Variants in GPR141 observed in about 807,000 individuals in gnomAD.
GPR141 encodes probable G protein-coupled receptor 141.
A neutral mutation model predicts 6.8 loss-of-function variants in GPR141; 6 were observed. The observed-to-expected ratio is 0.88, with a 90% CI of 0.48 to 1.74. GPR141 has a LOEUF of 1.74. Ranked by LOEUF, GPR141 falls within the 40% of genes most tolerant of loss-of-function variation. The probability of loss-of-function intolerance (pLI) is 0.01; values close to 1 mark genes in which losing one functional copy is unlikely to be tolerated. For missense variants in GPR141, 372 were observed against 372.9 expected, an observed-to-expected ratio of 1.00 and a Z score of 0.02; for synonymous variants, 140 against 142.3, an observed-to-expected ratio of 0.98 and a Z score of 0.11.
chr7:37,700,338 A>T (rs943338516), intron 2 of GPR141, among the ~76,000 whole-genome samples: 1 of 152,236 alleles, frequency 6.6e-6, no homozygotes, highest in Non-Finnish European at 1.5e-5. Context: ...AGGTCATTGC[A>T]TATTGAGCCT....
At chr7:37,693,318 T>G (rs1233952603) in intron 2 of GPR141, among the ~76,000 whole-genome samples, 1 of 152,210 alleles carries the variant, frequency 6.6e-6, no homozygotes, top group African/African-American at 2.4e-5. Flanking sequence ...ATTGTAGATA[T>G]GCGGCATTAT....
chr7:37,726,492 T>A (rs1811632049), intron 2 of GPR141, among the ~76,000 whole-genome samples: 1 of 152,206 alleles, frequency 6.6e-6, no homozygotes, highest in South Asian at 2.1e-4. Flanking sequence ...TTTTTCATAA[T>A]TTTTAAATTT....
At chr7:37,711,082 C>G (rs556566822) in intron 2 of GPR141, among the ~76,000 whole-genome samples, 5 of 152,302 alleles carry the variant, frequency 3.3e-5, no homozygotes, top group African/African-American at 1.2e-4. Flanking sequence ...CGGGGGTCTA[C>G]TGAAATCATT....
intron 2 of GPR141, among the ~76,000 whole-genome samples, chr7:37,692,938 C>A (rs1308057469): frequency 6.6e-6 from 1 of 152,150 alleles, no homozygotes; most frequent in Non-Finnish European, 1.5e-5. Context: ...TTCTCCCATT[C>A]TGAAGGTTGT....
intron 2 of GPR141, among the ~76,000 whole-genome samples, chr7:37,718,220 A>G (rs1050942808): frequency 1.3e-5 from 2 of 152,156 alleles, no homozygotes; most frequent in African/African-American, 4.8e-5. Flanking sequence ...ATTCACAGAT[A>G]GACATTGTAT....
chr7:37,732,324 TAGGCTAGAGTC>T (rs1364825332), intron 2 of GPR141, among the ~76,000 whole-genome samples: 3 of 149,346 alleles, frequency 2.0e-5, no homozygotes, highest in Non-Finnish European at 4.5e-5. Flanking sequence ...ACCTATTACC[TAGGCTAGAGTC>T]AGAGCCCCCT....
chr7:37,696,365 C>T (rs1810015200), intron 2 of GPR141, among the ~76,000 whole-genome samples: 1 of 152,034 alleles, frequency 6.6e-6, no homozygotes, highest in South Asian at 2.1e-4. Flanking sequence ...AGAGACAAAA[C>T]CCCTTTGAAA....
chr7:37,687,082 C>G (rs1007452988), intron 2 of GPR141, among the ~76,000 whole-genome samples: 2 of 152,068 alleles, frequency 1.3e-5, no homozygotes, highest in African/African-American at 4.8e-5. Flanking sequence ...ACTCTGCTCC[C>G]TGATAAAGAA....
intron 2 of GPR141, among the ~76,000 whole-genome samples, chr7:37,700,789 A>G (rs1056920068): frequency 8.5e-5 from 13 of 152,226 alleles, no homozygotes; most frequent in Non-Finnish European, 1.9e-4. Context: ...AGATATCCCA[A>G]CATTATCACA....
At chr7:37,716,048 A>G (rs1811031756) in intron 2 of GPR141, among the ~76,000 whole-genome samples, 1 of 152,214 alleles carries the variant, frequency 6.6e-6, no homozygotes, top group Non-Finnish European at 1.5e-5. Context: ...GACAGAGTCA[A>G]CTTTTCAGAA....
At chr7:37,698,381 C>A (rs895989921) in intron 2 of GPR141, among the ~76,000 whole-genome samples, 3 of 152,164 alleles carry the variant, frequency 2.0e-5, no homozygotes, top group African/African-American at 7.2e-5. Flanking sequence ...AACAAACTAT[C>A]CTGTCTCACT....
intron 2 of GPR141, among the ~76,000 whole-genome samples, chr7:37,736,031 G>A (rs1446347244): frequency 4.6e-5 from 7 of 152,134 alleles, no homozygotes; most frequent in Non-Finnish European, 1.0e-4. Context: ...GGCTGAGGCG[G>A]GTGGATCACT....
rs1311977140 is a variant in GPR141, at chr7:37,740,981, G to A, written c.588G>A (p.Leu196=). The change falls in exon 3 of 3, where the codon CTG becomes CTA. Residue 196 remains leucine, a synonymous_variant. Transcript: ENST00000334425. The stretch of plus-strand genomic sequence containing the variant: ...TTGTCATAGCCGTTGCTGTGATTCT[G>A]TTGGTCTTCCAGGTCTTCATCATTA... ...VIFVIAVAVI[L]LVFQVFIIML... 4 of 1,613,874 alleles carry A rather than the reference G, an allele frequency of 2.5e-6. No individual in the cohort carries two copies. The African/African-American group carries it at 4.0e-5, about 16-fold the overall frequency.
intron 2 of GPR141, among the ~76,000 whole-genome samples, chr7:37,713,895 A>G (rs1440287477): frequency 1.3e-5 from 2 of 152,230 alleles, no homozygotes; most frequent in South Asian, 4.1e-4. Context: ...GTATTGATTG[A>G]GCAATCCCCA....
At chr7:37,732,146 T>TC (rs1562789648) in intron 2 of GPR141, among the ~76,000 whole-genome samples, 69 of 127,032 alleles carry the variant, frequency 5.4e-4, no homozygotes, top group African/African-American at 1.7e-3. Flanking sequence ...CTCTCTCTCT[T>TC]TTTTTTTTTT....
chr7:37,718,700 G>T (rs770535439), intron 2 of GPR141, among the ~76,000 whole-genome samples: 2 of 152,184 alleles, frequency 1.3e-5, no homozygotes, highest in Non-Finnish European at 2.9e-5. Context: ...GTTGGCAAAG[G>T]AAACAACATT....
At chr7:37,727,344 A>G (rs1385502938) in intron 2 of GPR141, among the ~76,000 whole-genome samples, 1 of 152,066 alleles carries the variant, frequency 6.6e-6, no homozygotes, top group Middle Eastern at 3.2e-3. Flanking sequence ...TTTCTTTTAA[A>G]TCTTCCATCT....
intron 2 of GPR141, among the ~76,000 whole-genome samples, chr7:37,697,806 G>A (rs1239699653): frequency 6.6e-6 from 1 of 152,170 alleles, no homozygotes; most frequent in Non-Finnish European, 1.5e-5. Context: ...AGAGGCTCTG[G>A]GCACGAGGGA....
chr7:37,718,008 G>T (rs1173625112), intron 2 of GPR141, among the ~76,000 whole-genome samples: 1 of 151,984 alleles, frequency 6.6e-6, no homozygotes, highest in African/African-American at 2.4e-5. Context: ...CAATTATATT[G>T]AAAGTTAGAA....
Sources: allele counts gnomAD v4.1 joint callset (sites outside exome capture counted in the v4.1 genomes callset), GRCh38; gene constraint gnomAD v4.1.1; transcripts MANE v1.5; gene names NCBI Gene and HGNC (gene_info 2026-07-23, HGNC 2026-07-21).